The following ZMYND8 variants were observed in gnomAD, a reference collection of about 807,000 sequenced individuals.
The protein encoded by ZMYND8 is zinc finger MYND-type containing 8.
In ZMYND8, 37 loss-of-function variants were observed where a neutral mutation model predicts 140.8. The ratio of observed to expected loss-of-function variants is 0.26; its 90% CI spans 0.20 to 0.35. The LOEUF (loss-of-function observed/expected upper bound fraction) is 0.35, where lower values mean the gene tolerates loss of function less well. ZMYND8 is among the 10% of genes least tolerant of loss of function. The pLI is 1.00. For missense variants in ZMYND8, 1,068 were observed against 1,570.0 expected (o/e 0.68, Z 5.40); for synonymous variants, 592 against 597.1 (o/e 0.99, Z 0.12).
At chr20:47,255,669 T>C (rs7271910) in intron 12 of ZMYND8, among the ~76,000 whole-genome samples, 28,959 of 122,170 alleles carry the variant, frequency 0.24, 4,626 homozygotes, top group Non-Finnish European at 0.31. Flanking sequence ...AGTATATGTA[T>C]ATGGTGTATG....
At chr20:47,257,060 C>G (rs983761713) in intron 12 of ZMYND8, among the ~76,000 whole-genome samples, 2 of 152,172 alleles carry the variant, frequency 1.3e-5, no homozygotes, top group African/African-American at 4.8e-5. Flanking sequence ...CTCAGAAACT[C>G]ATTCCTATTT....
At chr20:47,342,327 C>CTGAG (rs2081961785) in intron 2 of ZMYND8, among the ~76,000 whole-genome samples, 1 of 151,340 alleles carries the variant, frequency 6.6e-6, no homozygotes, top group South Asian at 2.1e-4. Flanking sequence ...GGCGGATTAC[C>CTGAG]TGAGGTCAAG....
chr20:47,265,826 C>T (rs2075480837), intron 11 of ZMYND8, among the ~76,000 whole-genome samples: 1 of 152,106 alleles, frequency 6.6e-6, no homozygotes, highest in Non-Finnish European at 1.5e-5. Flanking sequence ...GATCTATTTC[C>T]TTTGTTAATA....
intron 1 of ZMYND8, chr20:47,349,805 G>A: frequency 6.5e-7 from 1 of 1,532,394 alleles, no homozygotes; most frequent in Non-Finnish European, 8.7e-7. Flanking sequence ...TGATCCAACT[G>A]AAATCTACAG....
At chr20:47,350,213 G>A (rs1388335062) in intron 1 of ZMYND8, among the ~76,000 whole-genome samples, 1 of 150,236 alleles carries the variant, frequency 6.7e-6, no homozygotes, top group Non-Finnish European at 1.5e-5. Context: ...CTTTTTCACA[G>A]ATCAGCAAAC....
At position 47,283,709 on chromosome 20, in the gene ZMYND8, A is replaced by G. The variant is rs191166259; in HGVS notation, c.805-61T>C. On this transcript the variant is annotated intron_variant, in intron 8 of 22. Coordinates refer to ENST00000471951, the MANE Select transcript of ZMYND8 (RefSeq NM_001281775.3). ...AGGGGTGGATATCTTGTGGACCTCA[A>G]TCAATGCTTGATGATTTTGAAGGTT... 1.7e-5 allele frequency: 25 copies of G among 1,508,464 alleles called. 1 individual carries two copies. The highest frequency in any genetic ancestry group is 2.3e-5 in the Non-Finnish European group (25 of 1,090,478). 93.4% of individuals were successfully genotyped at this position (1,508,464 alleles called of 1,614,324 possible). A position where few individuals can be genotyped will look rare whatever the true frequency, so the allele number is the denominator to read the frequency against.
At chr20:47,349,711 T>C in intron 1 of ZMYND8, 1 of 1,168,164 alleles carries the variant, frequency 8.6e-7, no homozygotes, top group Non-Finnish European at 1.2e-6. Context: ...GAATTCTGTT[T>C]CCCTCTCTAG....
chr20:47,247,611 T>C (rs1457663149), intron 13 of ZMYND8, among the ~76,000 whole-genome samples: 1 of 152,208 alleles, frequency 6.6e-6, no homozygotes, highest in Non-Finnish European at 1.5e-5. Context: ...TACCATATCC[T>C]AAACTTTTAG....
At chr20:47,246,729 T>A (rs2040607403) in intron 13 of ZMYND8, among the ~76,000 whole-genome samples, 1 of 152,166 alleles carries the variant, frequency 6.6e-6, no homozygotes, top group Non-Finnish European at 1.5e-5. Flanking sequence ...TTTTGGTTGT[T>A]AGGAGACACA....
chr20:47,331,155 G>C (rs1287750604), intron 2 of ZMYND8, among the ~76,000 whole-genome samples: 1 of 152,142 alleles, frequency 6.6e-6, no homozygotes, highest in African/African-American at 2.4e-5. Flanking sequence ...AGCACAGGAG[G>C]GTTTTGCAAT....
rs190670188 is a variant in ZMYND8, at chr20:47,303,434, T to C, written c.235-4487A>G. ...AAGAGTTGTTAAGAAGCTAGAAGAA[T>C]CAGCTGGGCACAGTGGCTCACGCCT... On this transcript the variant is annotated intron_variant, in intron 3 of 22. Coordinates refer to ENST00000471951, the MANE Select transcript of ZMYND8 (RefSeq NM_001281775.3). 1.1e-3 allele frequency among the ~76,000 whole-genome samples: 164 copies of C among 152,272 alleles called. 2 individuals carry two copies. Among genetic ancestry groups the C allele is most frequent in the African/African-American group, 3.7e-3 (152 of 41,564 alleles).
At chr20:47,352,699 G>GCCAT (rs1384633382) in intron 1 of ZMYND8, 1 of 286,606 alleles carries the variant, frequency 3.5e-6, no homozygotes, top group Non-Finnish European at 5.2e-6. Context: ...AGTGCCCAAG[G>GCCAT]CCATGCCAGG....
intron 11 of ZMYND8, among the ~76,000 whole-genome samples, chr20:47,267,307 A>C (rs1418914008): frequency 6.6e-6 from 1 of 152,024 alleles, no homozygotes; most frequent in Non-Finnish European, 1.5e-5. Context: ...ACAGGGTTTT[A>C]TTTTGGAGCG....
Position 47,276,631 on chromosome 20 carries a change from G to T in ZMYND8, c.1163C>A (p.Pro388His). ...GVFNYSPFRT[P>H]YTPNSQYQML... ...TTGATACTGGCTGTTGGGTGTGTAGGGTGTCCTAAATGGAGAGTAATTAAA... is the reference window on the plus strand; with the variant it reads ...TTGATACTGGCTGTTGGGTGTGTAGTGTGTCCTAAATGGAGAGTAATTAAA... Residue 388 changes from proline (P) to histidine (H), a missense_variant, in exon 11 of 23, where the codon CCC becomes CAC. By Grantham distance (77) the Pro-to-His change is moderately conservative. Transcript: ENST00000471951. 1 of 1,613,774 alleles carries T rather than the reference G, an allele frequency of 6.2e-7. No homozygotes were observed. The highest frequency in any genetic ancestry group is 8.5e-7 in the Non-Finnish European group (1 of 1,179,982).
chr20:47,245,885 G>A, intron 14 of ZMYND8, 123 bp downstream of exon 14: 1 of 1,380,756 alleles, frequency 7.2e-7, no homozygotes, highest in Non-Finnish European at 9.8e-7. Context: ...CTCTCTCAGT[G>A]TGTTAGAGGG....
chr20:47,350,065 C>T, intron 1 of ZMYND8: 1 of 1,395,528 alleles, frequency 7.2e-7, no homozygotes, highest in South Asian at 1.6e-5. Flanking sequence ...AATGCTGGAG[C>T]AGAAGAGAGA....
At chr20:47,270,718 A>AAAG (rs2075875151) in intron 11 of ZMYND8, among the ~76,000 whole-genome samples, 6 of 148,662 alleles carry the variant, frequency 4.0e-5, no homozygotes, top group African/African-American at 1.2e-4. Context: ...AAAAAAAAAA[A>AAAG]AGAAAGAAAG....
At chr20:47,266,871 A>G (rs2075565054) in intron 11 of ZMYND8, among the ~76,000 whole-genome samples, 1 of 151,592 alleles carries the variant, frequency 6.6e-6, no homozygotes, top group African/African-American at 2.4e-5. Context: ...CAGATCTACA[A>G]TATTTTCAAA....
intron 12 of ZMYND8, among the ~76,000 whole-genome samples, chr20:47,255,598 A>G (rs1205210288): frequency 9.0e-5 from 12 of 133,540 alleles, no homozygotes; most frequent in South Asian, 2.4e-4. Context: ...GTGTGTGTAT[A>G]TATATATATA....
Sources: gnomAD v4.1 joint callset for allele counts (sites outside exome capture counted in the v4.1 genomes callset) on GRCh38, gnomAD v4.1.1 for gene constraint, MANE v1.5 for transcripts, NCBI Gene and HGNC (gene_info 2026-07-23, HGNC 2026-07-21) for gene names.